Variants in ZRANB3 observed in about 807,000 individuals in gnomAD.
ZRANB3 encodes DNA annealing helicase and endonuclease ZRANB3.
ZRANB3 carries 125 observed loss-of-function variants against 133.8 expected under a neutral mutation model. The observed-to-expected ratio is 0.93, with a 90% CI of 0.81 to 1.08. The LOEUF (loss-of-function observed/expected upper bound fraction) is 1.08, where lower values mean the gene tolerates loss of function less well. Among genes scored for constraint, ZRANB3 ranks in the 50% least tolerant of loss-of-function variants. The probability of loss-of-function intolerance (pLI) is 0.00; values close to 1 mark genes in which losing one functional copy is unlikely to be tolerated. For synonymous variants in ZRANB3, 387 were observed against 432.7 expected, an observed-to-expected ratio of 0.89 and a Z score of 1.31; for missense variants, 1,229 against 1,275.5, an observed-to-expected ratio of 0.96 and a Z score of 0.56.
At chr2:135,327,799 T>C (rs1216862250) in intron 6 of ZRANB3, among the ~76,000 whole-genome samples, 1 of 152,150 alleles carries the variant, frequency 6.6e-6, no homozygotes, top group Non-Finnish European at 1.5e-5. Flanking sequence ...ATAATACATC[T>C]AAAACACATG....
intron 11 of ZRANB3, among the ~76,000 whole-genome samples, chr2:135,266,939 T>C (rs1680277196): frequency 6.6e-6 from 1 of 152,038 alleles, no homozygotes; most frequent in Admixed American, 6.6e-5. Flanking sequence ...AATCAGAAAA[T>C]CTTTGAATCC....
At chr2:135,291,027 C>A (rs986692487) in intron 8 of ZRANB3, among the ~76,000 whole-genome samples, 1 of 152,046 alleles carries the variant, frequency 6.6e-6, no homozygotes, top group Non-Finnish European at 1.5e-5. Flanking sequence ...ACCTCAGCCT[C>A]CTTTTTGTAT....
At chr2:135,342,637 T>C (rs1199188168) in intron 6 of ZRANB3, among the ~76,000 whole-genome samples, 1 of 149,160 alleles carries the variant, frequency 6.7e-6, no homozygotes, top group South Asian at 2.1e-4. Flanking sequence ...GTAAAAAAAT[T>C]TTTTCCTGAC....
chr2:135,476,926 G>A (rs1691525103), intron 2 of ZRANB3, among the ~76,000 whole-genome samples: 2 of 151,984 alleles, frequency 1.3e-5, no homozygotes, highest in South Asian at 4.1e-4. Flanking sequence ...TCACTATGTT[G>A]CCCAGACTGG....
rs1006707627 is a variant in ZRANB3 at position 135,199,434 on chromosome 2, T to C, written c.*908A>G. 2 of 152,212 alleles carry C rather than the reference T, an allele frequency of 1.3e-5. No individual in the cohort carries two copies. The highest frequency in any genetic ancestry group is 2.9e-5 in the Non-Finnish European group (2 of 68,076). The allele number at this position is 152,212 out of a possible 1,614,324, so 9.4% of individuals were successfully genotyped here. On this transcript the variant is annotated 3_prime_UTR_variant, in exon 21 of 21. Coordinates refer to ENST00000264159, the MANE Select transcript of ZRANB3 (RefSeq NM_032143.4). Reference sequence around the variant, plus strand: ...GCCTCAGCCTCCCGAGTATCTGAGATTACACGTGCACAACACCATGCCCGG... The same window carrying C: ...GCCTCAGCCTCCCGAGTATCTGAGACTACACGTGCACAACACCATGCCCGG...
rs189656222 is a variant in ZRANB3 at position 135,480,269 on chromosome 2, C to T, written c.161+24060G>A. Among the ~76,000 whole-genome samples, 432 of 152,178 alleles carry T rather than the reference C, an allele frequency of 2.8e-3. 1 individual carries two copies. The highest frequency in any genetic ancestry group is 9.4e-3 in the African/African-American group (391 of 41,510). The stretch of plus-strand genomic sequence containing the variant: ...ATACTTTCACTTAATTACCCTTACC[C>T]TGTTAGGCTGAGATGATAAGCATGG... On this transcript the variant is annotated intron_variant, in intron 2 of 20. Coordinates refer to ENST00000264159, the MANE Select transcript of ZRANB3 (RefSeq NM_032143.4).
intron 6 of ZRANB3, among the ~76,000 whole-genome samples, chr2:135,316,988 A>G (rs1351160203): frequency 6.8e-6 from 1 of 146,428 alleles, no homozygotes; most frequent in East Asian, 1.9e-4. Context: ...AAAAAAATAT[A>G]TATATATATA....
chr2:135,236,596 G>A (rs996189552), intron 12 of ZRANB3, among the ~76,000 whole-genome samples: 23 of 152,136 alleles, frequency 1.5e-4, no homozygotes, highest in Non-Finnish European at 2.8e-4. Context: ...CAGAGATATA[G>A]ACCAATGGGA....
At chr2:135,340,273 T>C (rs978224938) in intron 6 of ZRANB3, among the ~76,000 whole-genome samples, 13 of 151,776 alleles carry the variant, frequency 8.6e-5, no homozygotes, top group Non-Finnish European at 1.3e-4. Context: ...GCCCAGCTAA[T>C]TTTTGTATTT....
chr2:135,438,348 T>TA (rs915819563), intron 2 of ZRANB3, among the ~76,000 whole-genome samples: 3 of 151,704 alleles, frequency 2.0e-5, no homozygotes, highest in Middle Eastern at 3.2e-3. Flanking sequence ...CTACTAAAAA[T>TA]AAAAAAATTA....
chr2:135,365,698 C>T (rs1330743863), intron 3 of ZRANB3, among the ~76,000 whole-genome samples: 1 of 152,118 alleles, frequency 6.6e-6, no homozygotes, highest in Non-Finnish European at 1.5e-5. Flanking sequence ...ACTTGGCAAA[C>T]TTGATTACTG....
intron 2 of ZRANB3, among the ~76,000 whole-genome samples, chr2:135,393,762 A>C (rs1366134892): frequency 6.6e-6 from 1 of 152,236 alleles, no homozygotes; most frequent in Non-Finnish European, 1.5e-5. Flanking sequence ...ATCCATAAAG[A>C]GAAAACTAGG....
At chr2:135,249,682 T>C (rs1679285526) in intron 12 of ZRANB3, among the ~76,000 whole-genome samples, 1 of 151,972 alleles carries the variant, frequency 6.6e-6, no homozygotes, top group Non-Finnish European at 1.5e-5. Context: ...GTAAGTCTCA[T>C]GAGATCTGAT....
rs573066700 is a variant in ZRANB3 at position 135,484,249 on chromosome 2, A to G, written c.161+20080T>C. On this transcript the variant is annotated intron_variant, in intron 2 of 20. Coordinates refer to ENST00000264159, the MANE Select transcript of ZRANB3 (RefSeq NM_032143.4). ...TGCCAGGATTTCCAGAAAAAATAAA[A>G]TTCACTTTATGTCAGAACAATAGCC... Among the ~76,000 whole-genome samples the G allele has an allele frequency of 6.6e-5, 10 of 152,326 alleles. No individual in the cohort carries two copies. In the South Asian group the frequency reaches 2.1e-3, roughly 32 times the overall value.
chr2:135,391,396 C>T (rs558019499), intron 2 of ZRANB3, among the ~76,000 whole-genome samples: 1 of 152,224 alleles, frequency 6.6e-6, no homozygotes, highest in Non-Finnish European at 1.5e-5. Context: ...AAAACGTGAG[C>T]AAAGTGGTAA....
intron 12 of ZRANB3, among the ~76,000 whole-genome samples, chr2:135,248,904 T>C (rs968522974): frequency 6.6e-6 from 1 of 151,696 alleles, no homozygotes; most frequent in African/African-American, 2.4e-5. Context: ...AGACTCTGTC[T>C]CAACAACAAC....
intron 3 of ZRANB3, among the ~76,000 whole-genome samples, chr2:135,357,569 T>C (rs1685494872): frequency 6.6e-6 from 1 of 152,234 alleles, no homozygotes; most frequent in South Asian, 2.1e-4. Context: ...GTGCTTGGAT[T>C]ACAGGCGTAA....
chr2:135,208,839 A>C, intron 18 of ZRANB3, 29 bp downstream of exon 18: 5 of 1,554,616 alleles, frequency 3.2e-6, no homozygotes, highest in Non-Finnish European at 4.4e-6. Flanking sequence ...AATTAGTACT[A>C]CTATATACTA....
chr2:135,374,436 G>A (rs1181391888), intron 3 of ZRANB3, among the ~76,000 whole-genome samples: 1 of 151,658 alleles, frequency 6.6e-6, no homozygotes, highest in Non-Finnish European at 1.5e-5. Context: ...CTTCTGCTCT[G>A]TGAAAGACAA....
Sources: gnomAD v4.1 joint callset for allele counts (sites outside exome capture counted in the v4.1 genomes callset) on GRCh38, gnomAD v4.1.1 for gene constraint, MANE v1.5 for transcripts, NCBI Gene and HGNC (gene_info 2026-07-23, HGNC 2026-07-21) for gene names.